Variants in MTMR7 observed in about 807,000 individuals in gnomAD.
MTMR7 encodes the protein myotubularin related protein 7, also known as phosphatidylinositol-3-phosphate phosphatase MTMR7.
A neutral mutation model predicts 81.2 loss-of-function variants in MTMR7; 76 were observed. The observed-to-expected ratio is 0.94, with a 90% CI of 0.78 to 1.13. The LOEUF is 1.13. Among genes scored for constraint, MTMR7 ranks in the 50% most tolerant of loss-of-function variants. MTMR7 has a pLI of 0.00. For synonymous variants in MTMR7, 372 were observed against 289.8 expected, an observed-to-expected ratio of 1.28 and a Z score of -2.88; for missense variants, 1,044 against 820.0, an observed-to-expected ratio of 1.27 and a Z score of -3.34.
chr8:17,395,439 G>A (rs952810867), intron 1 of MTMR7, among the ~76,000 whole-genome samples: 5 of 152,170 alleles, frequency 3.3e-5, no homozygotes, highest in African/African-American at 1.2e-4. Context: ...ATACCCAGGA[G>A]TGGAAATGCT....
At chr8:17,404,776 G>A (rs916290038) in intron 1 of MTMR7, among the ~76,000 whole-genome samples, 1 of 152,074 alleles carries the variant, frequency 6.6e-6, no homozygotes, top group Non-Finnish European at 1.5e-5. Flanking sequence ...ATACATTGAT[G>A]TTTATCAGGT....
chr8:17,331,854 C>T (rs2150530843), intron 6 of MTMR7, among the ~76,000 whole-genome samples: 1 of 152,330 alleles, frequency 6.6e-6, no homozygotes, highest in Non-Finnish European at 1.5e-5. Context: ...TCTCCAGAGA[C>T]ATTTCCACCA....
Position 17,312,346 on chromosome 8 carries a change from G to A in MTMR7, c.976-710C>T, listed in dbSNP as rs539046834. Among the ~76,000 whole-genome samples, 56 of 152,120 alleles carry A rather than the reference G, an allele frequency of 3.7e-4. 2 individuals are homozygous for A. The highest frequency in any genetic ancestry group is 3.0e-3 in the Admixed American group (46 of 15,276). On this transcript the variant is annotated intron_variant, in intron 8 of 13. Transcript: ENST00000180173. ...TCCCAGCACTTTGGGAGGCCGTGGC[G>A]GGTGGATCACCTGAGGTCAGGAGTC...
intron 1 of MTMR7, among the ~76,000 whole-genome samples, chr8:17,407,538 A>T (rs1405597672): frequency 6.6e-6 from 1 of 152,126 alleles, no homozygotes; most frequent in African/African-American, 2.4e-5. Flanking sequence ...GTTCATCAGG[A>T]CATTATTATA....
Position 17,304,306 on chromosome 8 carries a change from G to C in MTMR7, c.1493+73C>G, listed in dbSNP as rs924759038. 6.5e-6 allele frequency: 10 copies of C among 1,531,844 alleles called. No homozygotes were observed. In the African/African-American group the frequency reaches 1.1e-4, roughly 17 times the overall value. The allele number at this position is 1,531,844 out of a possible 1,614,324, so 94.9% of individuals were successfully genotyped here. On this transcript the variant is annotated intron_variant, in intron 12 of 13. Transcript: ENST00000180173. ...CTCAAAGATCAGTGTCATACACTTTGACCTCTGAATGTTAAACGGTACCAG... is the reference window on the plus strand; with the variant it reads ...CTCAAAGATCAGTGTCATACACTTTCACCTCTGAATGTTAAACGGTACCAG...
intron 1 of MTMR7, among the ~76,000 whole-genome samples, chr8:17,394,668 T>C (rs944543215): frequency 4.6e-5 from 7 of 152,208 alleles, no homozygotes; most frequent in Admixed American, 1.3e-4. Flanking sequence ...TGTATACTTT[T>C]AAATGATGAA....
At chr8:17,315,654 G>A (rs1263319489) in intron 7 of MTMR7, among the ~76,000 whole-genome samples, 1 of 151,988 alleles carries the variant, frequency 6.6e-6, no homozygotes, top group Non-Finnish European at 1.5e-5. Context: ...TTAAAAACAT[G>A]ATAATGTAAC....
intron 1 of MTMR7, among the ~76,000 whole-genome samples, chr8:17,384,797 G>A (rs946116528): frequency 6.6e-6 from 1 of 152,170 alleles, no homozygotes; most frequent in Non-Finnish European, 1.5e-5. Context: ...GAGAAATAAA[G>A]AACGTCAACT....
chr8:17,411,289 C>T (rs771111096), intron 1 of MTMR7, among the ~76,000 whole-genome samples: 1 of 152,182 alleles, frequency 6.6e-6, no homozygotes, highest in Non-Finnish European at 1.5e-5. Context: ...TCCTTAAGTC[C>T]TTCCATGTTA....
chr8:17,411,757 C>G (rs753794167), intron 1 of MTMR7, among the ~76,000 whole-genome samples: 1 of 152,186 alleles, frequency 6.6e-6, no homozygotes, highest in African/African-American at 2.4e-5. Flanking sequence ...CAGGTTCACA[C>G]GTGACTTTGT....
chr8:17,333,121 G>A (rs896088779), intron 6 of MTMR7, among the ~76,000 whole-genome samples: 7 of 152,262 alleles, frequency 4.6e-5, no homozygotes, highest in African/African-American at 1.4e-4. Context: ...GCTCCATGAC[G>A]TGGCTTATGT....
At chr8:17,387,377 C>A (rs1398660209) in intron 1 of MTMR7, among the ~76,000 whole-genome samples, 1 of 152,164 alleles carries the variant, frequency 6.6e-6, no homozygotes, top group African/African-American at 2.4e-5. Context: ...TTCAAATAGA[C>A]TCACAATCCA....
rs1262616639 is a variant in MTMR7 at position 17,304,636 on chromosome 8, T to G, written c.1353-117A>C. On this transcript the variant is annotated intron_variant, in intron 11 of 13. Transcript: ENST00000180173. ...TGTTACCTGAAAACCACGTGTCTGT[T>G]CGATAGCAGGTAAATGTATCATCTT... 8 of 1,019,254 alleles carry G rather than the reference T, an allele frequency of 7.8e-6. No individual in the cohort carries two copies. In the East Asian group the frequency reaches 2.0e-4, roughly 26 times the overall value. 63.1% of individuals were successfully genotyped at this position (1,019,254 alleles called of 1,614,324 possible).
intron 3 of MTMR7, among the ~76,000 whole-genome samples, chr8:17,369,519 T>C (rs1820341391): frequency 6.6e-6 from 1 of 152,180 alleles, no homozygotes; most frequent in Admixed American, 6.5e-5. Context: ...AAAGTAATTA[T>C]CAGCACATAT....
intron 3 of MTMR7, among the ~76,000 whole-genome samples, chr8:17,368,908 T>C (rs973801807): frequency 1.3e-5 from 2 of 152,180 alleles, no homozygotes; most frequent in African/African-American, 4.8e-5. Flanking sequence ...ACTCCCTTCA[T>C]CTTTTAAGGA....
Position 17,302,268 on chromosome 8 carries a change from T to G in MTMR7, c.1506A>C (p.Gly502=), listed in dbSNP as rs564846266. The stretch of plus-strand genomic sequence containing the variant: ...TCCCCTTTTCAAAGCGGTTATACAT[T>G]CCACTCCAAAACCTGGAAAGGATGG... ...PCNFMYKFWS[G]MYNRFEKGMQ... The change falls in exon 13 of 14, where the codon GGA becomes GGC. Residue 502 remains glycine (G), a synonymous_variant. Coordinates refer to ENST00000180173, the MANE Select transcript of MTMR7 (RefSeq NM_004686.5). 2 of 1,613,148 alleles carry G rather than the reference T, an allele frequency of 1.2e-6. No homozygotes were observed. The highest frequency in any genetic ancestry group is 2.2e-5 in the East Asian group (1 of 44,858).
At chr8:17,359,322 G>A (rs886956080) in intron 4 of MTMR7, among the ~76,000 whole-genome samples, 4 of 152,034 alleles carry the variant, frequency 2.6e-5, no homozygotes, top group African/African-American at 9.7e-5. Context: ...TCGTGAAACT[G>A]GGCGAGATGA....
At chr8:17,325,195 C>T (rs1374354391) in intron 7 of MTMR7, among the ~76,000 whole-genome samples, 1 of 151,966 alleles carries the variant, frequency 6.6e-6, no homozygotes, top group Non-Finnish European at 1.5e-5. Context: ...TGGGTGTGTC[C>T]GGGGCTCTTC....
chr8:17,312,882 A>G (rs1312712808), intron 8 of MTMR7, among the ~76,000 whole-genome samples: 2 of 152,186 alleles, frequency 1.3e-5, no homozygotes, highest in African/African-American at 4.8e-5. Flanking sequence ...ACATTTTCCT[A>G]TGGCGGAATG....
Sources: gnomAD v4.1 joint callset for allele counts (sites outside exome capture counted in the v4.1 genomes callset) on GRCh38, gnomAD v4.1.1 for gene constraint, MANE v1.5 for transcripts, NCBI Gene and HGNC (gene_info 2026-07-23, HGNC 2026-07-21) for gene names.